Variants in MAML3 observed in about 807,000 individuals in gnomAD.
The protein encoded by MAML3 is mastermind-like protein 3.
In MAML3, 27 loss-of-function variants were observed where a neutral mutation model predicts 101.9. That is an observed-to-expected ratio of 0.27 (90% CI 0.20 to 0.37). MAML3 has a LOEUF of 0.37. Among genes scored for constraint, MAML3 ranks in the 10% least tolerant of loss-of-function variants. The pLI is 1.00. For synonymous variants in MAML3, 501 were observed against 555.9 expected, an observed-to-expected ratio of 0.90 and a Z score of 1.39; for missense variants, 1,316 against 1,444.9, an observed-to-expected ratio of 0.91 and a Z score of 1.45.
At chr4:140,094,488 G>A (rs1728118136) in intron 1 of MAML3, among the ~76,000 whole-genome samples, 1 of 152,112 alleles carries the variant, frequency 6.6e-6, no homozygotes, top group African/African-American at 2.4e-5. Context: ...AGGGAAACTC[G>A]GATTTGTCCT....
intron 2 of MAML3, among the ~76,000 whole-genome samples, chr4:139,772,202 T>A (rs1230767717): frequency 2.8e-5 from 3 of 106,988 alleles, no homozygotes; most frequent in African/African-American, 1.1e-4. Context: ...ATCGCGCCAC[T>A]GCACTCCAGC....
chr4:139,850,341 C>T (rs968312435), intron 2 of MAML3, among the ~76,000 whole-genome samples: 3 of 152,204 alleles, frequency 2.0e-5, no homozygotes, highest in African/African-American at 7.2e-5. Context: ...GGTGACCATA[C>T]ATCCTGATCT....
intron 2 of MAML3, among the ~76,000 whole-genome samples, chr4:139,828,671 GT>G (rs1308445077): frequency 6.7e-6 from 1 of 149,598 alleles, no homozygotes; most frequent in East Asian, 1.9e-4. Context: ...GGAGACGAAG[GT>G]TGAAAATGGG....
At position 139,717,131 on chromosome 4, in the gene MAML3, A is replaced by G. The variant is rs1279469893; in HGVS notation, c.*2192T>C. 6.6e-6 allele frequency: 1 copy of G among 152,584 alleles called. No individual in the cohort carries two copies. Among genetic ancestry groups the G allele is most frequent in the Non-Finnish European group, 1.5e-5 (1 of 68,036 alleles). The allele number at this position is 152,584 out of a possible 1,614,324, so 9.5% of individuals were successfully genotyped here. A position where few individuals can be genotyped will look rare whatever the true frequency, so the allele number is the denominator to read the frequency against. ...CTTATGTACAAATAACTTTTTTTAG[A>G]CATTACATATACATCAGCACCGTAG... On this transcript the variant is annotated 3_prime_UTR_variant, in exon 5 of 5. Coordinates refer to ENST00000509479, the MANE Select transcript of MAML3 (RefSeq NM_018717.5).
chr4:139,806,399 T>C (rs1318177130), intron 2 of MAML3, among the ~76,000 whole-genome samples: 1 of 152,010 alleles, frequency 6.6e-6, no homozygotes, highest in African/African-American at 2.4e-5. Flanking sequence ...ATCATACAAA[T>C]GCAAATTAAA....
Position 139,747,523 on chromosome 4 carries a change from G to A in MAML3, c.2080-16856C>T, listed in dbSNP as rs555869041. ...AGCATGGCCAACATGGTGAAACCCC[G>A]TCTCTACTAAAAATACAAAAATTAG... On this transcript the variant is annotated intron_variant, in intron 2 of 4. Coordinates refer to ENST00000509479, the MANE Select transcript of MAML3 (RefSeq NM_018717.5). Among the ~76,000 whole-genome samples the A allele has an allele frequency of 1.3e-3, 191 of 151,736 alleles. 1 individual carries two copies. Among genetic ancestry groups the A allele is most frequent in the African/African-American group, 4.4e-3 (183 of 41,386 alleles).
intron 2 of MAML3, among the ~76,000 whole-genome samples, chr4:139,795,238 G>T (rs1329347899): frequency 5.3e-5 from 8 of 152,198 alleles, no homozygotes; most frequent in Non-Finnish European, 1.2e-4. Context: ...CTAACATAAT[G>T]TTGAATTTCA....
intron 1 of MAML3, among the ~76,000 whole-genome samples, chr4:140,056,809 T>TAAA (rs1727357080): frequency 8.8e-6 from 1 of 113,682 alleles, no homozygotes. Flanking sequence ...AGACTCTGTC[T>TAAA]CAAAAAAAAA....
At chr4:140,012,767 T>C (rs927099927) in intron 1 of MAML3, among the ~76,000 whole-genome samples, 28 of 152,208 alleles carry the variant, frequency 1.8e-4, no homozygotes, top group African/African-American at 5.3e-4. Context: ...AGTCTAATTA[T>C]GCAGATATCC....
intron 1 of MAML3, among the ~76,000 whole-genome samples, chr4:140,065,567 T>C (rs1023000727): frequency 1.3e-5 from 2 of 152,174 alleles, no homozygotes; most frequent in African/African-American, 4.8e-5. Context: ...TCTGCTGACC[T>C]TCACCACTTG....
At chr4:140,072,849 A>G (rs547806409) in intron 1 of MAML3, among the ~76,000 whole-genome samples, 1 of 152,240 alleles carries the variant, frequency 6.6e-6, no homozygotes, top group South Asian at 2.1e-4. Context: ...TATAAAAGGG[A>G]GGTAGAAGAG....
rs545040091 is a variant in MAML3 at position 139,928,800 on chromosome 4, T to C, written c.469-37833A>G. 3.3e-5 allele frequency among the ~76,000 whole-genome samples: 5 copies of C among 152,162 alleles called. No individual in the cohort carries two copies. The South Asian group carries it at 1.0e-3, about 32-fold the overall frequency. ...GGGCCGTTGAGAGCCCCTGCAAGTT[T>C]GTGAGTAGAGAAGTGACCTGTCAGG... On this transcript the variant is annotated intron_variant, in intron 1 of 4. Coordinates refer to ENST00000509479, the MANE Select transcript of MAML3 (RefSeq NM_018717.5).
At chr4:140,093,510 G>T (rs1251744210) in intron 1 of MAML3, among the ~76,000 whole-genome samples, 1 of 149,168 alleles carries the variant, frequency 6.7e-6, no homozygotes, top group African/African-American at 2.5e-5. Context: ...TCTGCCTTCC[G>T]GGTTCATGCC....
chr4:139,766,247 C>T (rs1437231836), intron 2 of MAML3, among the ~76,000 whole-genome samples: 1 of 152,122 alleles, frequency 6.6e-6, no homozygotes, highest in Non-Finnish European at 1.5e-5. Context: ...TCTCGGCTTA[C>T]TGCAGCCTCC....
chr4:139,779,223 G>C (rs953689195), intron 2 of MAML3, among the ~76,000 whole-genome samples: 1 of 152,028 alleles, frequency 6.6e-6, no homozygotes, highest in African/African-American at 2.4e-5. Context: ...TTTCCCTAAA[G>C]AGCTGAGGAA....
intron 1 of MAML3, among the ~76,000 whole-genome samples, chr4:140,112,190 A>G (rs1288985515): frequency 1.3e-5 from 2 of 152,128 alleles, no homozygotes; most frequent in African/African-American, 2.4e-5. Flanking sequence ...ATTCATTACC[A>G]TATTTATTTT....
Position 139,730,752 on chromosome 4 carries a change from C to T in MAML3, c.2080-85G>A, listed in dbSNP as rs148049902. On this transcript the variant is annotated intron_variant, in intron 2 of 4. Coordinates refer to ENST00000509479, the MANE Select transcript of MAML3 (RefSeq NM_018717.5). ...AAGGGAAGCCCCTGGAAAAAGGGAA[C>T]GGGGCAGAAGTCCCAGCTTATGGAC... 4,348 of 1,286,604 alleles carry T rather than the reference C, an allele frequency of 3.4e-3. 25 individuals are homozygous for T. The highest frequency in any genetic ancestry group is 4.3e-3 in the Non-Finnish European group (3,970 of 921,384). 79.7% of individuals were successfully genotyped at this position (1,286,604 alleles called of 1,614,324 possible).
intron 2 of MAML3, among the ~76,000 whole-genome samples, chr4:139,776,970 T>A (rs1730108135): frequency 6.6e-6 from 1 of 152,128 alleles, no homozygotes; most frequent in Non-Finnish European, 1.5e-5. Context: ...ATGAAAGGAA[T>A]TGCATTGTTT....
intron 1 of MAML3, among the ~76,000 whole-genome samples, chr4:139,999,416 A>G (rs983607322): frequency 6.6e-6 from 1 of 152,224 alleles, no homozygotes; most frequent in African/African-American, 2.4e-5. Context: ...CTAGGCAACA[A>G]TTCCACAGAT....
Sources: allele counts gnomAD v4.1 joint callset (sites outside exome capture counted in the v4.1 genomes callset), GRCh38; gene constraint gnomAD v4.1.1; transcripts MANE v1.5; gene names NCBI Gene and HGNC (gene_info 2026-07-23, HGNC 2026-07-21).